Variants in ABHD12 observed in about 807,000 individuals in gnomAD.
ABHD12 encodes abhydrolase domain containing 12, lysophospholipase.
ABHD12 carries 43 observed loss-of-function variants against 58.3 expected under a neutral mutation model. The observed-to-expected ratio is 0.74, with a 90% CI of 0.58 to 0.95. The LOEUF (loss-of-function observed/expected upper bound fraction) is 0.95. Ranked by LOEUF, ABHD12 falls within the 40% of genes least tolerant of loss-of-function variation. The pLI, the probability that ABHD12 is intolerant of heterozygous loss-of-function variation, is 0.00. For missense variants in ABHD12, 539 were observed against 537.2 expected, an observed-to-expected ratio of 1.00 and a Z score of -0.03; for synonymous variants, 219 against 211.2, an observed-to-expected ratio of 1.04 and a Z score of -0.32.
At chr20:25,348,926 CA>C (rs1013116515) in intron 1 of ABHD12, among the ~76,000 whole-genome samples, 1 of 150,602 alleles carries the variant, frequency 6.6e-6, no homozygotes, top group Non-Finnish European at 1.5e-5. Flanking sequence ...ACTAAAAATA[CA>C]AAAAAAATTA....
chr20:25,302,852 G>A (rs1056664192), intron 11 of ABHD12, among the ~76,000 whole-genome samples: 4 of 152,168 alleles, frequency 2.6e-5, no homozygotes, highest in Admixed American at 6.5e-5. Flanking sequence ...GAGCCTGACT[G>A]CATGGGGGCT....
chr20:25,316,997 G>A (rs778054962), intron 5 of ABHD12, 51 bp downstream of exon 5: 14 of 1,570,702 alleles, frequency 8.9e-6, no homozygotes, highest in Non-Finnish European at 8.8e-7. Context: ...TTCACTTCCT[G>A]CCCTGGAAAG....
chr20:25,307,894 A>G, intron 9 of ABHD12, 72 bp downstream of exon 9: 1 of 709,738 alleles, frequency 1.4e-6, no homozygotes, highest in Non-Finnish European at 2.4e-6. Context: ...ATTATAATGT[A>G]TCCTGTAATT....
intron 5 of ABHD12, among the ~76,000 whole-genome samples, chr20:25,316,628 C>T (rs2088966612): frequency 6.6e-6 from 1 of 152,196 alleles, no homozygotes; most frequent in African/African-American, 2.4e-5. Context: ...CAGCCAAGGC[C>T]CTACCTTCCA....
chr20:25,354,000 C>T (rs1031238246), intron 1 of ABHD12, among the ~76,000 whole-genome samples: 1 of 152,174 alleles, frequency 6.6e-6, no homozygotes, highest in Non-Finnish European at 1.5e-5. Flanking sequence ...GACTCTCCTT[C>T]GCAGTGGTCT....
At chr20:25,368,484 T>C (rs2500395) in intron 1 of ABHD12, 1,288,101 of 1,559,552 alleles carry the variant, frequency 0.83, 533,588 homozygotes, top group African/African-American at 0.93. Flanking sequence ...GACAAGATGC[T>C]AGGACCTGTA....
chr20:25,304,198 AG>A (rs1207668005), intron 10 of ABHD12, among the ~76,000 whole-genome samples: 1 of 152,240 alleles, frequency 6.6e-6, no homozygotes, highest in Non-Finnish European at 1.5e-5. Flanking sequence ...TATCCCCAAC[AG>A]GGCTGTGTGC....
At chr20:25,330,292 G>A (rs1056859342) in intron 2 of ABHD12, among the ~76,000 whole-genome samples, 3 of 152,236 alleles carry the variant, frequency 2.0e-5, no homozygotes, top group Non-Finnish European at 2.9e-5. Context: ...ATTATATCCC[G>A]CACATGGCTC....
chr20:25,296,036 C>G (rs1403818187), downstream of ABHD12, among the ~76,000 whole-genome samples: 1 of 152,202 alleles, frequency 6.6e-6, no homozygotes, highest in African/African-American at 2.4e-5. Context: ...TGGAAGGAGA[C>G]TGCCTGGGCA....
intron 2 of ABHD12, among the ~76,000 whole-genome samples, chr20:25,334,107 A>G (rs1240531703): frequency 6.6e-6 from 1 of 151,662 alleles, no homozygotes; most frequent in Admixed American, 6.6e-5. Context: ...AACTTCAGCA[A>G]AGTCTCAGGA....
At chr20:25,354,476 G>A (rs2089642408) in intron 1 of ABHD12, among the ~76,000 whole-genome samples, 1 of 152,172 alleles carries the variant, frequency 6.6e-6, no homozygotes, top group South Asian at 2.1e-4. Flanking sequence ...AGCATCGATT[G>A]CCACTGTTTG....
At chr20:25,309,248 C>T (rs1470122082) in intron 7 of ABHD12, among the ~76,000 whole-genome samples, 198 bp downstream of exon 7, 1 of 152,186 alleles carries the variant, frequency 6.6e-6, no homozygotes, top group Non-Finnish European at 1.5e-5. Flanking sequence ...TGAGCCACTT[C>T]CTGGACGAGG....
At chr20:25,361,348 ATG>A (rs1157391058) in intron 1 of ABHD12, among the ~76,000 whole-genome samples, 3 of 152,132 alleles carry the variant, frequency 2.0e-5, no homozygotes, top group Non-Finnish European at 2.9e-5. Context: ...CTTAAATATT[ATG>A]TCTCTCAGTA....
At chr20:25,303,878 G>C (rs746275358) in intron 10 of ABHD12, among the ~76,000 whole-genome samples, 1 of 152,218 alleles carries the variant, frequency 6.6e-6, no homozygotes, top group Non-Finnish European at 1.5e-5. Context: ...AATTGAAAAT[G>C]ATTATTTTTC....
At chr20:25,356,961 T>G (rs1281857166) in intron 1 of ABHD12, among the ~76,000 whole-genome samples, 2 of 152,032 alleles carry the variant, frequency 1.3e-5, no homozygotes, top group African/African-American at 4.8e-5. Context: ...ATAACAAGAC[T>G]CTGCTCTCTA....
At chr20:25,299,080 T>C (rs940679060), downstream of ABHD12, among the ~76,000 whole-genome samples, 4 of 83,738 alleles carry the variant, frequency 4.8e-5, no homozygotes, top group African/African-American at 8.7e-5. Flanking sequence ...CTCGCTCTTA[T>C]CTGCATCATC....
At chr20:25,369,267 T>G (rs1214636912) in intron 1 of ABHD12, among the ~76,000 whole-genome samples, 1 of 152,202 alleles carries the variant, frequency 6.6e-6, no homozygotes, top group Non-Finnish European at 1.5e-5. Flanking sequence ...AAATGTCTCT[T>G]CGAGTTCTAG....
chr20:25,384,434 CA>C (rs1176440319), intron 1 of ABHD12, among the ~76,000 whole-genome samples: 33 of 143,748 alleles, frequency 2.3e-4, no homozygotes, highest in Admixed American at 4.9e-4. Context: ...CACACTAAGA[CA>C]AAAAAAAAAC....
chr20:25,338,401 T>C (rs2089407549), intron 2 of ABHD12, among the ~76,000 whole-genome samples: 1 of 152,228 alleles, frequency 6.6e-6, no homozygotes, highest in Non-Finnish European at 1.5e-5. Context: ...CCTCTCAGGC[T>C]GTCCTTCACA....
Sources: gnomAD v4.1 joint callset for allele counts (sites outside exome capture counted in the v4.1 genomes callset) on GRCh38, gnomAD v4.1.1 for gene constraint, MANE v1.5 for transcripts, NCBI Gene and HGNC (gene_info 2026-07-23, HGNC 2026-07-21) for gene names.